Variants in DENND1B observed in about 807,000 individuals in gnomAD.
DENND1B encodes the protein DENN domain containing 1B, also known as DENN domain-containing protein 1B.
DENND1B carries 59 observed loss-of-function variants against 90.1 expected under a neutral mutation model. The observed-to-expected ratio is 0.65, with a 90% CI of 0.53 to 0.81. The LOEUF (loss-of-function observed/expected upper bound fraction) is 0.81, where lower values mean the gene tolerates loss of function less well. Ranked by LOEUF, DENND1B falls within the 40% of genes least tolerant of loss-of-function variation. The probability of loss-of-function intolerance (pLI) is 0.00; values close to 1 mark genes in which losing one functional copy is unlikely to be tolerated. For missense variants in DENND1B, 862 were observed against 912.6 expected (o/e 0.94, Z 0.71); for synonymous variants, 337 against 324.6 (o/e 1.04, Z -0.41).
intron 10 of DENND1B, among the ~76,000 whole-genome samples, chr1:197,630,661 T>C (rs184832431): frequency 1.3e-5 from 2 of 152,146 alleles, no homozygotes; most frequent in African/African-American, 4.8e-5. Context: ...ACTGGTTTAT[T>C]AGCTCTTCCT....
intron 3 of DENND1B, among the ~76,000 whole-genome samples, chr1:197,674,871 T>C (rs1331223909): frequency 1.3e-5 from 2 of 152,082 alleles, no homozygotes; most frequent in African/African-American, 4.8e-5. Flanking sequence ...ACACAGAAAA[T>C]AATCTGAATG....
intron 14 of DENND1B, among the ~76,000 whole-genome samples, chr1:197,584,758 A>C (rs1674548587): frequency 1.3e-5 from 2 of 151,894 alleles, no homozygotes; most frequent in African/African-American, 4.8e-5. Context: ...TGCAGCCTTG[A>C]CCTCCTGGGC....
At chr1:197,530,735 G>T (rs150884032) in intron 20 of DENND1B, among the ~76,000 whole-genome samples, 2 of 152,032 alleles carry the variant, frequency 1.3e-5, no homozygotes, top group South Asian at 2.1e-4. Flanking sequence ...AACAGCTACC[G>T]ATTATCAAGT....
At chr1:197,713,993 CTTTTT>C (rs1372499037) in intron 3 of DENND1B, among the ~76,000 whole-genome samples, 1 of 10,676 alleles carries the variant, frequency 9.4e-5, no homozygotes, top group African/African-American at 2.6e-4. Context: ...AATTATATAT[CTTTTT>C]TTTTTTTTTG....
chr1:197,696,642 G>A (rs200087223), intron 3 of DENND1B, among the ~76,000 whole-genome samples: 10 of 151,374 alleles, frequency 6.6e-5, no homozygotes, highest in Non-Finnish European at 1.2e-4. Context: ...CAAATTTAAG[G>A]TGAAACACCA....
At chr1:197,628,749 A>C (rs969060738) in intron 10 of DENND1B, among the ~76,000 whole-genome samples, 4 of 151,990 alleles carry the variant, frequency 2.6e-5, no homozygotes, top group Non-Finnish European at 5.9e-5. Flanking sequence ...AACCTACAAC[A>C]TGGGAGAAAA....
chr1:197,564,395 CA>C (rs71131780), intron 15 of DENND1B, among the ~76,000 whole-genome samples: 12,323 of 62,000 alleles, frequency 0.2, 222 homozygotes, highest in African/African-American at 0.24. Flanking sequence ...CCTCCACCAG[CA>C]AAAAAAAAAA....
At chr1:197,626,690 A>G (rs1375600729) in intron 10 of DENND1B, among the ~76,000 whole-genome samples, 2 of 152,082 alleles carry the variant, frequency 1.3e-5, no homozygotes, top group Non-Finnish European at 2.9e-5. Flanking sequence ...GCAGAACTGA[A>G]GGAAATAGAG....
At chr1:197,571,012 T>G (rs1217250280) in intron 15 of DENND1B, among the ~76,000 whole-genome samples, 3 of 152,148 alleles carry the variant, frequency 2.0e-5, no homozygotes. Flanking sequence ...ATGAACATTA[T>G]CTCTGATTTC....
chr1:197,563,048 G>C (rs1282906624), intron 15 of DENND1B, among the ~76,000 whole-genome samples: 1 of 151,862 alleles, frequency 6.6e-6, no homozygotes, highest in Non-Finnish European at 1.5e-5. Context: ...AAATTATGAA[G>C]GTAGGAGACA....
chr1:197,651,013 T>C (rs1280899962), intron 7 of DENND1B, among the ~76,000 whole-genome samples: 4 of 152,152 alleles, frequency 2.6e-5, no homozygotes, highest in South Asian at 2.1e-4. Context: ...CAATAACTTA[T>C]GGAAAAATTA....
At chr1:197,578,643 G>A (rs1172911960) in intron 15 of DENND1B, among the ~76,000 whole-genome samples, 7 of 152,030 alleles carry the variant, frequency 4.6e-5, no homozygotes, top group Non-Finnish European at 1.0e-4. Flanking sequence ...GTGTATGTGT[G>A]TATCAAAACA....
intron 2 of DENND1B, among the ~76,000 whole-genome samples, chr1:197,767,413 G>C (rs1243461991): frequency 6.6e-6 from 1 of 152,050 alleles, no homozygotes; most frequent in African/African-American, 2.4e-5. Flanking sequence ...AGGACACTAA[G>C]AATTCTTTGG....
At chr1:197,760,008 TTA>T (rs996365591) in intron 2 of DENND1B, among the ~76,000 whole-genome samples, 12 of 152,312 alleles carry the variant, frequency 7.9e-5, no homozygotes, top group African/African-American at 2.9e-4. Context: ...TAAATTTAAA[TTA>T]TATGTTTAGT....
intron 11 of DENND1B, among the ~76,000 whole-genome samples, chr1:197,615,079 T>C (rs1677525525): frequency 6.6e-6 from 1 of 151,094 alleles, no homozygotes; most frequent in Non-Finnish European, 1.5e-5. Context: ...TCCATGGTCC[T>C]TTGTATGCCT....
At chr1:197,767,785 T>C (rs753826280) in intron 2 of DENND1B, among the ~76,000 whole-genome samples, 2 of 152,172 alleles carry the variant, frequency 1.3e-5, no homozygotes, top group Non-Finnish European at 2.9e-5. Flanking sequence ...TGGAATTATA[T>C]TGGATTCATT....
At chr1:197,547,389 T>C (rs1260471780) in intron 16 of DENND1B, among the ~76,000 whole-genome samples, 1 of 152,168 alleles carries the variant, frequency 6.6e-6, no homozygotes, top group East Asian at 1.9e-4. Flanking sequence ...CACCTTGCTC[T>C]TACAAAATAG....
intron 15 of DENND1B, among the ~76,000 whole-genome samples, chr1:197,570,659 T>C (rs1673071126): frequency 6.6e-6 from 1 of 152,200 alleles, no homozygotes; most frequent in Non-Finnish European, 1.5e-5. Context: ...TATCTTAGTG[T>C]TCTCTTTTGG....
At chr1:197,568,510 A>G (rs1341935049) in intron 15 of DENND1B, among the ~76,000 whole-genome samples, 2 of 152,164 alleles carry the variant, frequency 1.3e-5, no homozygotes, top group African/African-American at 2.4e-5. Context: ...CCTAAAATTC[A>G]TATGGAACCA....
Sources: gnomAD v4.1 joint callset for allele counts (sites outside exome capture counted in the v4.1 genomes callset) on GRCh38, gnomAD v4.1.1 for gene constraint, MANE v1.5 for transcripts, NCBI Gene and HGNC (gene_info 2026-07-23, HGNC 2026-07-21) for gene names.